Variants in MTR observed in about 807,000 individuals in gnomAD.
The protein encoded by MTR is methionine synthase.
Under a neutral mutation model 154.8 loss-of-function variants are expected in MTR, and 84 were observed. The ratio of observed to expected loss-of-function variants is 0.54; its 90% CI spans 0.45 to 0.65. The LOEUF (loss-of-function observed/expected upper bound fraction) is 0.65, where lower values mean the gene tolerates loss of function less well. Ranked by LOEUF, MTR falls within the 30% of genes least tolerant of loss-of-function variation. The pLI is 0.00. For synonymous variants in MTR, 554 were observed against 553.9 expected (o/e 1.00, Z 0.00); for missense variants, 1,275 against 1,570.2 (o/e 0.81, Z 3.18).
rs934601195 is a variant in MTR at position 236,816,687 on chromosome 1, A to G, written c.764+144A>G. On this transcript the variant is annotated intron_variant, in intron 8 of 32. Transcript: ENST00000366577. The stretch of plus-strand genomic sequence containing the variant: ...TATTGACTTTCCTTTAAGTACTTTC[A>G]GACTTTTCCCTAAAGGTTTCAGAAG... 7.9e-6 allele frequency: 6 copies of G among 761,318 alleles called. No homozygotes were observed. In the Admixed American group the frequency reaches 8.2e-5, roughly 10 times the overall value. 47.2% of individuals were successfully genotyped at this position (761,318 alleles called of 1,614,324 possible). A position where few individuals can be genotyped will look rare whatever the true frequency, so the allele number is the denominator to read the frequency against.
intron 5 of MTR, chr1:236,811,758 A>G: frequency 6.6e-6 from 3 of 454,162 alleles, no homozygotes; most frequent in Admixed American, 2.4e-5. Flanking sequence ...TTTAAGCAAA[A>G]TGATGCATAG....
At chr1:236,887,336 G>A (rs193273667) in intron 27 of MTR, among the ~76,000 whole-genome samples, 1 of 152,280 alleles carries the variant, frequency 6.6e-6, no homozygotes, top group South Asian at 2.1e-4. Flanking sequence ...TCCCAACGTG[G>A]CTCCTGACTC....
intron 22 of MTR, among the ~76,000 whole-genome samples, chr1:236,864,905 A>C (rs913828853): frequency 8.5e-5 from 13 of 152,232 alleles, no homozygotes; most frequent in Non-Finnish European, 1.9e-4. Context: ...AGCCAGGTAC[A>C]TGTTCAGCCT....
At chr1:236,888,743 T>C (rs1404323456) in intron 27 of MTR, among the ~76,000 whole-genome samples, 1 of 152,236 alleles carries the variant, frequency 6.6e-6, no homozygotes, top group Non-Finnish European at 1.5e-5. Context: ...ACTTTGAGCA[T>C]ATGTGTCAGT....
chr1:236,797,470 G>A (rs1001536615), intron 1 of MTR, among the ~76,000 whole-genome samples: 2 of 152,096 alleles, frequency 1.3e-5, no homozygotes, highest in Non-Finnish European at 1.5e-5. Context: ...AGGACTGTGA[G>A]TGTTATTTGG....
intron 22 of MTR, among the ~76,000 whole-genome samples, chr1:236,869,042 AACACATGCCATCTTGT>A (rs1664975142): frequency 1.3e-5 from 2 of 152,232 alleles, no homozygotes; most frequent in Non-Finnish European, 2.9e-5. Context: ...ACTGGATGGA[AACACATGCCATCTTGT>A]GGTGGCATGT....
At chr1:236,829,406 G>T in intron 12 of MTR, 138 bp downstream of exon 12, 4 of 783,322 alleles carry the variant, frequency 5.1e-6, no homozygotes, top group Non-Finnish European at 6.7e-6. Context: ...GCGCTTAAAT[G>T]AATTCTAGTG....
intron 9 of MTR, 53 bp from the exon 10 acceptor site, chr1:236,825,285 C>A: frequency 2.4e-6 from 3 of 1,261,576 alleles, no homozygotes; most frequent in Non-Finnish European, 3.5e-6. Context: ...TTTAAAAATA[C>A]AGTGTATATT....
chr1:236,826,006 T>C (rs1662267439), intron 10 of MTR, among the ~76,000 whole-genome samples: 1 of 152,206 alleles, frequency 6.6e-6, no homozygotes, highest in Non-Finnish European at 1.5e-5. Flanking sequence ...CTCAGCTCCT[T>C]GACTTTGTCT....
At chr1:236,857,971 T>C (rs866159467) in intron 18 of MTR, among the ~76,000 whole-genome samples, 21 of 152,268 alleles carry the variant, frequency 1.4e-4, no homozygotes, top group Middle Eastern at 6.8e-3. Flanking sequence ...GGCATGGTCA[T>C]AGGTACTGCA....
At chr1:236,887,441 A>G (rs539126224) in intron 27 of MTR, among the ~76,000 whole-genome samples, 2 of 152,360 alleles carry the variant, frequency 1.3e-5, no homozygotes, top group East Asian at 3.9e-4. Context: ...TTGTGAGGGT[A>G]AAATATTCTG....
At chr1:236,886,201 A>G (rs1666000499) in intron 26 of MTR, 91 bp from the exon 27 acceptor site, 2 of 1,032,496 alleles carry the variant, frequency 1.9e-6, no homozygotes, top group Admixed American at 1.9e-5. Context: ...CTTTCTTGCA[A>G]AGCTTACATA....
intron 26 of MTR, among the ~76,000 whole-genome samples, chr1:236,885,605 C>T (rs1572331917): frequency 6.6e-6 from 1 of 152,180 alleles, no homozygotes; most frequent in East Asian, 1.9e-4. Context: ...AAAATGGAGA[C>T]ATGAGGCAGG....
In MTR at chr1:236,795,456, C is replaced by G; in HGVS notation, c.-248C>G. Reference sequence around the variant, plus strand: ...TGCTAGGCCGACACCAAGGACTGGCCGGGTACCCGGGAAGAAAGCACGTGC... The same window carrying G: ...TGCTAGGCCGACACCAAGGACTGGCGGGGTACCCGGGAAGAAAGCACGTGC... On this transcript the variant is annotated 5_prime_UTR_variant, in exon 1 of 33. Transcript: ENST00000366577. 2 of 1,498,260 alleles carry G rather than the reference C, an allele frequency of 1.3e-6. No homozygotes were observed. The highest frequency in any genetic ancestry group is 1.2e-5 in the South Asian group (1 of 82,902). 92.8% of individuals were successfully genotyped at this position (1,498,260 alleles called of 1,614,324 possible). A position where few individuals can be genotyped will look rare whatever the true frequency, so the allele number is the denominator to read the frequency against.
intron 18 of MTR, among the ~76,000 whole-genome samples, chr1:236,857,570 T>C (rs2103277829): frequency 6.6e-6 from 1 of 152,326 alleles, no homozygotes; most frequent in African/African-American, 2.4e-5. Context: ...GCAAAATCAG[T>C]CTTTGTGTAG....
Position 236,874,733 on chromosome 1 carries a change from T to C in MTR, c.2481T>C (p.Ile827=), listed in dbSNP as rs1353447106. ...KAALDHKADI[I]GLSGLITPSL... is the part of the protein sequence containing the mutation. ...TAAAAAAAAAAAAAATAGATATAAT[T>C]GGCCTGTCAGGACTCATCACTCCTT... The change falls in exon 24 of 33, where the codon ATT becomes ATC. Residue 827 remains isoleucine (I), a synonymous_variant. Coordinates refer to ENST00000366577, the MANE Select transcript of MTR (RefSeq NM_000254.3). 6.3e-7 allele frequency: 1 copy of C among 1,594,954 alleles called. No individual in the cohort carries two copies. The highest frequency in any genetic ancestry group is 8.5e-7 in the Non-Finnish European group (1 of 1,170,698).
At position 236,875,153 on chromosome 1, in the gene MTR, C is replaced by T. The variant is rs187414708; in HGVS notation, c.2594+307C>T. On this transcript the variant is annotated intron_variant, in intron 24 of 32. Transcript: ENST00000366577. ...CCTGAGAATTATAATGAACTCTTCT[C>T]GTGAAATTAAACCGAGTGGAGAAGC... is the stretch of plus-strand genomic sequence containing the variant. Among the ~76,000 whole-genome samples the T allele has an allele frequency of 4.7e-4, 72 of 152,306 alleles. 1 individual carries two copies. In the East Asian group the frequency reaches 6.4e-3, roughly 13 times the overall value.
At chr1:236,812,918 TA>T in intron 6 of MTR, 74 bp downstream of exon 6, 1 of 1,112,670 alleles carries the variant, frequency 9.0e-7, no homozygotes, top group Non-Finnish European at 1.4e-6. Context: ...AGGGAGAAGA[TA>T]ATATTAGCCA....
chr1:236,881,600 C>T (rs960198576), intron 25 of MTR, among the ~76,000 whole-genome samples: 2 of 152,100 alleles, frequency 1.3e-5, no homozygotes, highest in Non-Finnish European at 2.9e-5. Context: ...AGATTTAGCC[C>T]AGCCTTCACA....
Sources: gnomAD v4.1 joint callset for allele counts (sites outside exome capture counted in the v4.1 genomes callset) on GRCh38, gnomAD v4.1.1 for gene constraint, MANE v1.5 for transcripts, NCBI Gene and HGNC (gene_info 2026-07-23, HGNC 2026-07-21) for gene names.